The following FLI1 variants were observed in gnomAD, a reference collection of about 807,000 sequenced individuals.
FLI1 encodes the protein Friend leukemia integration 1 transcription factor.
Under a neutral mutation model 53.1 loss-of-function variants are expected in FLI1, and 13 were observed. That is an observed-to-expected ratio of 0.24 (90% confidence interval 0.16 to 0.39). The LOEUF (loss-of-function observed/expected upper bound fraction) is 0.39, where lower values mean the gene tolerates loss of function less well. FLI1 is among the 10% of genes least tolerant of loss of function. FLI1 has a pLI of 1.00. For missense variants in FLI1, 424 were observed against 600.5 expected (o/e 0.71, Z 3.07); for synonymous variants, 244 against 236.7 (o/e 1.03, Z -0.28).
intron 4 of FLI1, among the ~76,000 whole-genome samples, chr11:128,780,421 C>T (rs59258270): frequency 0.039 from 5,980 of 152,242 alleles, 369 homozygotes; most frequent in African/African-American, 0.13. Flanking sequence ...CATGGAGAAA[C>T]CCCGTCTCTA....
At chr11:128,722,073 C>A (rs948829237) in intron 1 of FLI1, among the ~76,000 whole-genome samples, 7 of 152,188 alleles carry the variant, frequency 4.6e-5, no homozygotes, top group African/African-American at 1.7e-4. Flanking sequence ...CCCGCAGAAA[C>A]CTCCATCACG....
In FLI1 at chr11:128,772,743, T is replaced by C. The variant is rs770497605; in HGVS notation, c.386-39T>C. 23 of 1,577,614 alleles carry C rather than the reference T, an allele frequency of 1.5e-5. No homozygotes were observed. The African/African-American group carries it at 2.0e-4, about 14-fold the overall frequency. On this transcript the variant is annotated intron_variant, in intron 3 of 8. Transcript: ENST00000527786. ...CCTAGGCTCTCAGGGAGCCTCTACC[T>C]TCCTGCAGTCCTTGCTAACAACGTC... is the stretch of plus-strand genomic sequence containing the variant.
intron 1 of FLI1, among the ~76,000 whole-genome samples, chr11:128,743,347 G>C (rs1940221222): frequency 6.6e-6 from 1 of 151,000 alleles, no homozygotes; most frequent in Admixed American, 6.6e-5. Flanking sequence ...TGAGGCTGCA[G>C]TGAGCCGTGA....
At chr11:128,694,807 G>T in intron 1 of FLI1, among the ~76,000 whole-genome samples, 1 of 152,152 alleles carries the variant, frequency 6.6e-6, no homozygotes, top group East Asian at 1.9e-4. Flanking sequence ...TGAGTGTGTC[G>T]GGGGATCTAT....
At chr11:128,718,358 C>A (rs868519057) in intron 1 of FLI1, among the ~76,000 whole-genome samples, 1 of 152,340 alleles carries the variant, frequency 6.6e-6, no homozygotes, top group Middle Eastern at 3.4e-3. Flanking sequence ...TTAGTTTCCT[C>A]ATCTGCAACA....
In FLI1 at chr11:128,738,895, C is replaced by G. The variant is rs959737638; in HGVS notation, c.19-19220C>G. On this transcript the variant is annotated intron_variant, in intron 1 of 8. Transcript: ENST00000527786. ...TCTGGAGTCTCTTGTATGACAGTAT[C>G]TATGTTGGGCTTTTCAGTGTGTAAA... Among the ~76,000 whole-genome samples, 17 of 152,294 alleles carry G rather than the reference C, an allele frequency of 1.1e-4. 1 individual carries two copies. Among genetic ancestry groups the G allele is most frequent in the Admixed American group, 9.8e-4 (15 of 15,304 alleles).
At chr11:128,743,327 C>T (rs1281106033) in intron 1 of FLI1, among the ~76,000 whole-genome samples, 1 of 151,472 alleles carries the variant, frequency 6.6e-6, no homozygotes, top group Non-Finnish European at 1.5e-5. Context: ...ATTCCTTGGG[C>T]CCAAAAGTTT....
At chr11:128,768,444 G>A in intron 3 of FLI1, 172 bp downstream of exon 3, 3 of 691,436 alleles carry the variant, frequency 4.3e-6, no homozygotes, top group Non-Finnish European at 7.4e-6. Flanking sequence ...CACTTTGAGA[G>A]GCCAAGACGG....
intron 2 of FLI1, 32 bp downstream of exon 2, chr11:128,758,358 G>A (rs780787816): frequency 3.8e-6 from 6 of 1,587,658 alleles, no homozygotes; most frequent in Non-Finnish European, 5.2e-6. Flanking sequence ...AGGATTGGGG[G>A]AAGGCACAAA....
In FLI1 at chr11:128,768,148, A is replaced by C. The variant is rs750227544; in HGVS notation, c.261A>C (p.Lys87Asn). Residue 87 changes from lysine (K) to asparagine (N), a missense_variant, in exon 3 of 9, where the codon AAA becomes AAC. Physicochemically the swap from Lys to Asn is moderately conservative, Grantham distance 94. Transcript: ENST00000527786. The stretch of plus-strand genomic sequence containing the variant: ...CTCCGGTGGACTGCAGCGTTAGCAA[A>C]TGCAGCAAGCTGGTGGGCGGAGGCG... ...RESPVDCSVS[K>N]CSKLVGGGES... The C allele has an allele frequency of 6.2e-7, 1 of 1,613,758 alleles. No homozygotes were observed. The highest frequency in any genetic ancestry group is 1.7e-5 in the Admixed American group (1 of 59,998).
intron 1 of FLI1, among the ~76,000 whole-genome samples, chr11:128,740,124 A>C (rs1940072335): frequency 6.6e-6 from 1 of 152,124 alleles, no homozygotes; most frequent in Admixed American, 6.5e-5. Flanking sequence ...AAGAAACCCT[A>C]AGGCCTGTAG....
intron 1 of FLI1, 40 bp from the exon 2 acceptor site, chr11:128,758,075 G>A: frequency 6.5e-7 from 1 of 1,549,134 alleles, no homozygotes; most frequent in South Asian, 1.2e-5. Context: ...CTTGGGTGAA[G>A]AGTGACACTG....
chr11:128,781,648 C>T (rs1415762156), intron 4 of FLI1, among the ~76,000 whole-genome samples: 1 of 152,190 alleles, frequency 6.6e-6, no homozygotes, highest in Non-Finnish European at 1.5e-5. Flanking sequence ...GTGTTCCTAT[C>T]ATGATTATGG....
intron 1 of FLI1, among the ~76,000 whole-genome samples, chr11:128,713,039 C>T (rs1486780550): frequency 6.6e-6 from 1 of 152,150 alleles, no homozygotes; most frequent in Admixed American, 6.5e-5. Flanking sequence ...TCTTCAGGTA[C>T]ACATCATTGC....
intron 1 of FLI1, among the ~76,000 whole-genome samples, chr11:128,697,449 G>C (rs1182420969): frequency 2.0e-5 from 3 of 152,152 alleles, no homozygotes; most frequent in African/African-American, 7.2e-5. Context: ...TCCTTATCTA[G>C]AAAATGGGGC....
intron 1 of FLI1, among the ~76,000 whole-genome samples, chr11:128,745,836 G>C (rs1387591455): frequency 6.6e-6 from 1 of 152,212 alleles, no homozygotes; most frequent in Non-Finnish European, 1.5e-5. Context: ...CTGGAAGGGA[G>C]TGAAGCCCCC....
intron 5 of FLI1, among the ~76,000 whole-genome samples, chr11:128,787,374 A>C (rs1489168206): frequency 6.6e-6 from 1 of 152,232 alleles, no homozygotes; most frequent in Non-Finnish European, 1.5e-5. Flanking sequence ...GTCATGAAGC[A>C]GAACAAGACT....
chr11:128,754,501 G>T (rs1448272810), intron 1 of FLI1, among the ~76,000 whole-genome samples: 1 of 152,220 alleles, frequency 6.6e-6, no homozygotes, highest in Non-Finnish European at 1.5e-5. Flanking sequence ...CCTGAGTAGG[G>T]CTTGTCTAGT....
chr11:128,801,124 T>C (rs1749229932), intron 5 of FLI1, among the ~76,000 whole-genome samples: 1 of 152,182 alleles, frequency 6.6e-6, no homozygotes, highest in Non-Finnish European at 1.5e-5. Flanking sequence ...GTTTGTCAGT[T>C]CTCAGGAGGC....
Sources: allele counts gnomAD v4.1 joint callset (sites outside exome capture counted in the v4.1 genomes callset), GRCh38; gene constraint gnomAD v4.1.1; transcripts MANE v1.5; gene names NCBI Gene and HGNC (gene_info 2026-07-23, HGNC 2026-07-21).